The following NIPSNAP3B variants were observed in gnomAD, a reference collection of about 807,000 sequenced individuals.
NIPSNAP3B encodes the protein nipsnap homolog 3B, also known as protein NipSnap homolog 3B.
A neutral mutation model predicts 31.5 loss-of-function variants in NIPSNAP3B; 30 were observed. That is an observed-to-expected ratio of 0.95 (90% CI 0.71 to 1.29). The LOEUF (loss-of-function observed/expected upper bound fraction) is 1.29, where lower values mean the gene tolerates loss of function less well. Ranked by LOEUF, NIPSNAP3B falls within the 50% of genes most tolerant of loss-of-function variation. The probability of loss-of-function intolerance (pLI) is 0.00; values close to 1 mark genes in which losing one functional copy is unlikely to be tolerated. For synonymous variants in NIPSNAP3B, 106 were observed against 107.9 expected (o/e 0.98, Z 0.11); for missense variants, 269 against 300.7 (o/e 0.89, Z 0.78).
the NIPSNAP3B span, chr9:104,788,684 T>C: frequency 7.8e-7 from 1 of 1,284,098 alleles, no homozygotes; most frequent in Admixed American, 1.7e-5. Flanking sequence ...CCAATACATC[T>C]GCTGCTACTT....
chr9:104,767,784 G>A (rs982441236), intron 2 of NIPSNAP3B, among the ~76,000 whole-genome samples: 6 of 152,126 alleles, frequency 3.9e-5, no homozygotes, highest in African/African-American at 7.2e-5. Context: ...CAATTCACTT[G>A]TAAGATAGGT....
At chr9:104,780,001 T>G (rs539641004), downstream of NIPSNAP3B, among the ~76,000 whole-genome samples, 41 of 152,310 alleles carry the variant, frequency 2.7e-4, no homozygotes, top group South Asian at 8.5e-3. Flanking sequence ...CACTCCAGCC[T>G]GGACGACAGA....
At chr9:104,788,470 A>G in the NIPSNAP3B span, 1 of 1,614,042 alleles carries the variant, frequency 6.2e-7, no homozygotes, top group Non-Finnish European at 8.5e-7. Context: ...AGGGCAAAGA[A>G]CTCCACGTGT....
chr9:104,780,648 A>G (rs1828472099), downstream of NIPSNAP3B, among the ~76,000 whole-genome samples: 1 of 152,212 alleles, frequency 6.6e-6, no homozygotes, highest in South Asian at 2.1e-4. Context: ...TGAATAAACA[A>G]AAGGACACTG....
At chr9:104,768,778 C>A in intron 2 of NIPSNAP3B, 85 bp from the exon 3 acceptor site, 1 of 1,225,304 alleles carries the variant, frequency 8.2e-7, no homozygotes, top group Non-Finnish European at 1.1e-6. Context: ...TGGCCTTGCA[C>A]GTTTGCTGAA....
In NIPSNAP3B at chr9:104,766,385, A is replaced by G. The variant is rs754503233; in HGVS notation, c.121A>G (p.Thr41Ala). 6.2e-7 allele frequency: 1 copy of G among 1,613,804 alleles called. No homozygotes were observed. The highest frequency in any genetic ancestry group is 8.5e-7 in the Non-Finnish European group (1 of 1,179,760). The stretch of plus-strand genomic sequence containing the variant: ...CGATGGAACGTTCTATGAATTTCGT[A>G]CTTATTACCTTAAACCTTCAAATAT... ...QYDGTFYEFRTYYLKPSNMNA... is the reference protein window; with the variant it reads ...QYDGTFYEFRAYYLKPSNMNA... Residue 41 changes from threonine to alanine, a missense_variant, in exon 2 of 6, where the codon ACT (threonine) becomes GCT (alanine). By Grantham distance (58) the Thr-to-Ala change is moderately conservative. Coordinates refer to ENST00000374762, the MANE Select transcript of NIPSNAP3B (RefSeq NM_018376.4).
At chr9:104,778,754 T>A (rs1828386260), downstream of NIPSNAP3B, among the ~76,000 whole-genome samples, 1 of 152,208 alleles carries the variant, frequency 6.6e-6, no homozygotes. Flanking sequence ...GTTGCTACCA[T>A]CTTAGTTCAA....
At chr9:104,785,833 A>C in the NIPSNAP3B span, among the ~76,000 whole-genome samples, 1 of 152,218 alleles carries the variant, frequency 6.6e-6, no homozygotes, top group Non-Finnish European at 1.5e-5. Flanking sequence ...CATGTGCTGT[A>C]AATACATGAT....
At chr9:104,784,671 G>A in the NIPSNAP3B span, among the ~76,000 whole-genome samples, 19 of 152,234 alleles carry the variant, frequency 1.2e-4, no homozygotes, top group African/African-American at 3.6e-4. Context: ...TTGAAATGGG[G>A]TCTTGCTCTG....
At chr9:104,787,195 G>C in the NIPSNAP3B span, among the ~76,000 whole-genome samples, 1 of 152,092 alleles carries the variant, frequency 6.6e-6, no homozygotes, top group African/African-American at 2.4e-5. Flanking sequence ...CAAATATTCT[G>C]AGTACTTTTT....
chr9:104,785,700 G>GCGCCTGT, the NIPSNAP3B span: 7 of 1,601,648 alleles, frequency 4.4e-6, no homozygotes, highest in Admixed American at 1.7e-5. Context: ...AAAGAATACT[G>GCGCCTGT]AACCCTGGGA....
rs561001449 is a variant in NIPSNAP3B at position 104,768,443 on chromosome 9, A to G, written c.272-420A>G. 1.8e-4 allele frequency among the ~76,000 whole-genome samples: 28 copies of G among 152,378 alleles called. No individual in the cohort carries two copies. In the South Asian group the frequency reaches 4.8e-3, roughly 26 times the overall value. On this transcript the variant is annotated intron_variant, in intron 2 of 5. Coordinates refer to ENST00000374762, the MANE Select transcript of NIPSNAP3B (RefSeq NM_018376.4). Reference sequence around the variant, plus strand: ...GCTTCCATTGATAAGAATCGTTAACATATACTGAGTACTAACTAAGGTGCC... The same window carrying G: ...GCTTCCATTGATAAGAATCGTTAACGTATACTGAGTACTAACTAAGGTGCC...
chr9:104,779,535 G>A (rs1324206458), downstream of NIPSNAP3B, among the ~76,000 whole-genome samples: 3 of 151,770 alleles, frequency 2.0e-5, no homozygotes, highest in Non-Finnish European at 4.4e-5. Flanking sequence ...ATGTAAAATG[G>A]TACTTTTTAC....
At chr9:104,765,665 C>T (rs1378560438) in intron 1 of NIPSNAP3B, among the ~76,000 whole-genome samples, 1 of 152,172 alleles carries the variant, frequency 6.6e-6, no homozygotes, top group Non-Finnish European at 1.5e-5. Flanking sequence ...AGACAATTCT[C>T]ATTTGTTGAG....
At chr9:104,782,390 C>T (rs962039788), downstream of NIPSNAP3B, 25 of 151,992 alleles carry the variant, frequency 1.6e-4, no homozygotes, top group African/African-American at 5.8e-4. Context: ...AATCTGAAGT[C>T]TTACACCTTT....
chr9:104,790,378 T>C, the NIPSNAP3B span, among the ~76,000 whole-genome samples: 1 of 152,182 alleles, frequency 6.6e-6, no homozygotes, highest in Non-Finnish European at 1.5e-5. Flanking sequence ...TTATAAGGAA[T>C]TTATTAAATA....
At chr9:104,783,237 A>G in the NIPSNAP3B span, 1 of 152,270 alleles carries the variant, frequency 6.6e-6, no homozygotes, top group Non-Finnish European at 1.5e-5. Context: ...CTAAGGATTC[A>G]GAAGTCACTG....
In NIPSNAP3B at chr9:104,774,740, C is replaced by T. The variant is rs10117535; in HGVS notation, c.*1667C>T. Among the ~76,000 whole-genome samples the T allele has an allele frequency of 0.48, 72,757 of 151,986 alleles. 18,708 individuals are homozygous for T. Among genetic ancestry groups the T allele is most frequent in the East Asian group, 0.78 (4,010 of 5,170 alleles). ...TAGCTCCAAGTAGATTATGACTTTT[C>T]CTAAAACTTAACATGACAGAGATTT... On this transcript the variant is annotated 3_prime_UTR_variant, in exon 6 of 6. Transcript: ENST00000374762.
chr9:104,771,010 C>T lies in NIPSNAP3B; in HGVS notation c.580+12C>T, dbSNP rs2118795351. On this transcript the variant is annotated intron_variant, in intron 4 of 5. Coordinates refer to ENST00000374762, the MANE Select transcript of NIPSNAP3B (RefSeq NM_018376.4). ...AGAACTCAACAGAGGTACAGTTGTCCATTTGTTCTATGAAGTTGCCATGTG... is the reference window on the plus strand; with the variant it reads ...AGAACTCAACAGAGGTACAGTTGTCTATTTGTTCTATGAAGTTGCCATGTG... 4 of 1,612,534 alleles carry T rather than the reference C, an allele frequency of 2.5e-6. No individual in the cohort carries two copies. Among genetic ancestry groups the T allele is most frequent in the Non-Finnish European group, 3.4e-6 (4 of 1,178,888 alleles).
Sources: allele counts gnomAD v4.1 joint callset (sites outside exome capture counted in the v4.1 genomes callset), GRCh38; gene constraint gnomAD v4.1.1; transcripts MANE v1.5; gene names NCBI Gene and HGNC (gene_info 2026-07-23, HGNC 2026-07-21).